The following RNLS variants were observed in gnomAD, a reference collection of about 807,000 sequenced individuals.
The protein encoded by RNLS is renalase, FAD dependent amine oxidase, also known as renalase.
Under a neutral mutation model 39.8 loss-of-function variants are expected in RNLS, and 39 were observed. The observed-to-expected ratio is 0.98, with a 90% confidence interval of 0.76 to 1.28. The LOEUF is 1.28. RNLS is among the 50% of genes most tolerant of loss of function. The pLI is 0.00. For synonymous variants in RNLS, 147 were observed against 150.7 expected, an observed-to-expected ratio of 0.98 and a Z score of 0.18; for missense variants, 410 against 413.3, an observed-to-expected ratio of 0.99 and a Z score of 0.07.
chr10:88,253,537 C>T, the RNLS span, among the ~76,000 whole-genome samples: 1 of 152,158 alleles, frequency 6.6e-6, no homozygotes, highest in Admixed American at 6.5e-5. Flanking sequence ...TCTGTAGGGC[C>T]TTTGGAAGGT....
At chr10:88,461,203 C>T (rs1001098220) in intron 4 of RNLS, among the ~76,000 whole-genome samples, 2 of 152,044 alleles carry the variant, frequency 1.3e-5, no homozygotes, top group South Asian at 4.1e-4. Context: ...CAAGTTATGT[C>T]CTCAAGGCTC....
the RNLS span, among the ~76,000 whole-genome samples, chr10:88,206,667 G>T: frequency 6.6e-6 from 1 of 152,018 alleles, no homozygotes; most frequent in African/African-American, 2.4e-5. Context: ...TGGTTGCTGC[G>T]GTAGATTGCT....
At chr10:88,173,897 C>T in the RNLS span, among the ~76,000 whole-genome samples, 1 of 152,024 alleles carries the variant, frequency 6.6e-6, no homozygotes, top group East Asian at 1.9e-4. Flanking sequence ...ACACCCATCA[C>T]TTAAGCAGTA....
chr10:88,320,273 T>C (rs1846079698), intron 5 of RNLS, among the ~76,000 whole-genome samples: 1 of 151,412 alleles, frequency 6.6e-6, no homozygotes, highest in African/African-American at 2.4e-5. Flanking sequence ...ACCAGACCAG[T>C]CCTACAAGAA....
chr10:88,214,000 T>A, the RNLS span, among the ~76,000 whole-genome samples: 114,299 of 152,018 alleles, frequency 0.75, 43,142 homozygotes, highest in Non-Finnish European at 0.78. Context: ...TGGGCACAGC[T>A]GGATTCAGGA....
the RNLS span, among the ~76,000 whole-genome samples, chr10:88,232,087 G>A: frequency 6.6e-6 from 1 of 152,202 alleles, no homozygotes; most frequent in Non-Finnish European, 1.5e-5. Flanking sequence ...TCAAAGTTTA[G>A]GAGGGGAAAG....
chr10:88,320,047 G>A (rs1031723539), intron 5 of RNLS, among the ~76,000 whole-genome samples: 1 of 151,724 alleles, frequency 6.6e-6, no homozygotes, highest in Non-Finnish European at 1.5e-5. Context: ...TGAAAAAAAG[G>A]GATAAATTAC....
the RNLS span, among the ~76,000 whole-genome samples, chr10:88,185,447 T>G: frequency 6.6e-6 from 1 of 152,186 alleles, no homozygotes; most frequent in African/African-American, 2.4e-5. Context: ...TACTAACAAG[T>G]TCATTTTGTT....
chr10:88,375,206 C>T (rs1052061211), intron 4 of RNLS, among the ~76,000 whole-genome samples: 1 of 152,038 alleles, frequency 6.6e-6, no homozygotes, highest in African/African-American at 2.4e-5. Context: ...AACAAAACAA[C>T]CCCTAGCTTC....
intron 4 of RNLS, among the ~76,000 whole-genome samples, chr10:88,459,792 T>A (rs1842842012): frequency 6.6e-6 from 1 of 152,288 alleles, no homozygotes; most frequent in Non-Finnish European, 1.5e-5. Flanking sequence ...ACATTTGTGT[T>A]TCTACATATC....
intron 4 of RNLS, among the ~76,000 whole-genome samples, chr10:88,408,882 A>G (rs1261991735): frequency 6.6e-6 from 1 of 152,148 alleles, no homozygotes; most frequent in East Asian, 1.9e-4. Context: ...TTAGCAAATT[A>G]TATTTCTCTA....
chr10:88,221,095 C>A, the RNLS span, among the ~76,000 whole-genome samples: 1 of 152,176 alleles, frequency 6.6e-6, no homozygotes, highest in African/African-American at 2.4e-5. Flanking sequence ...GTATATGCAT[C>A]CCCCTACTTG....
At chr10:88,381,788 G>A (rs2133519605) in intron 4 of RNLS, among the ~76,000 whole-genome samples, 1 of 151,478 alleles carries the variant, frequency 6.6e-6, no homozygotes, top group Non-Finnish European at 1.5e-5. Context: ...CCTAGAACAG[G>A]GGTTGGTAAA....
chr10:88,560,236 T>A lies in RNLS; in HGVS notation c.526+12667A>T, dbSNP rs550943966. 3.3e-5 allele frequency among the ~76,000 whole-genome samples: 5 copies of A among 152,264 alleles called. No homozygotes were observed. In the East Asian group the frequency reaches 7.7e-4, roughly 24 times the overall value. ...AAATTAAGATATATTAGTAAAGATA[T>A]GGCAAGGAAATTCTTGCCTTCCAGG... On this transcript the variant is annotated intron_variant, in intron 4 of 6. Coordinates refer to ENST00000331772, the MANE Select transcript of RNLS (RefSeq NM_001031709.3).
chr10:88,450,179 G>A (rs911786992), intron 4 of RNLS, among the ~76,000 whole-genome samples: 10 of 152,178 alleles, frequency 6.6e-5, no homozygotes, highest in South Asian at 2.1e-4. Flanking sequence ...GGAACAAGGG[G>A]TGGGGATTGG....
At chr10:88,176,101 T>C in the RNLS span, among the ~76,000 whole-genome samples, 1 of 152,200 alleles carries the variant, frequency 6.6e-6, no homozygotes. Context: ...TCTTTACAGG[T>C]GAAGTGAGTT....
At chr10:88,398,926 A>T (rs1852734276) in intron 4 of RNLS, among the ~76,000 whole-genome samples, 1 of 152,074 alleles carries the variant, frequency 6.6e-6, no homozygotes. Flanking sequence ...AAGAACTCTT[A>T]TAATTCAATA....
At chr10:88,315,239 TC>T (rs1845672797) in intron 5 of RNLS, among the ~76,000 whole-genome samples, 1 of 152,220 alleles carries the variant, frequency 6.6e-6, no homozygotes, top group East Asian at 1.9e-4. Context: ...TCTGTCTCAT[TC>T]AAAACATGAA....
At chr10:88,273,476 AC>A (rs1385181942), downstream of RNLS, among the ~76,000 whole-genome samples, 2 of 152,208 alleles carry the variant, frequency 1.3e-5, no homozygotes, top group Admixed American at 1.3e-4. Flanking sequence ...ACATTATATC[AC>A]AAAAAATATC....
Sources: gnomAD v4.1 joint callset for allele counts (sites outside exome capture counted in the v4.1 genomes callset) on GRCh38, gnomAD v4.1.1 for gene constraint, MANE v1.5 for transcripts, NCBI Gene and HGNC (gene_info 2026-07-23, HGNC 2026-07-21) for gene names.